The following FRMD4B variants were observed in gnomAD, a reference collection of about 807,000 sequenced individuals.
The protein encoded by FRMD4B is FERM domain-containing protein 4B.
In FRMD4B, 74 loss-of-function variants were observed where a neutral mutation model predicts 141.5. That is an observed-to-expected ratio of 0.52 (90% CI 0.43 to 0.63). The LOEUF (loss-of-function observed/expected upper bound fraction) is 0.63. FRMD4B is among the 30% of genes least tolerant of loss of function. The probability of loss-of-function intolerance (pLI) is 0.00; values close to 1 mark genes in which losing one functional copy is unlikely to be tolerated. For synonymous variants in FRMD4B, 506 were observed against 467.9 expected (o/e 1.08, Z -1.05); for missense variants, 1,366 against 1,253.4 (o/e 1.09, Z -1.36).
chr3:69,484,395 G>A (rs78259949), intron 1 of FRMD4B, among the ~76,000 whole-genome samples: 17,150 of 152,144 alleles, frequency 0.11, 1,060 homozygotes, highest in South Asian at 0.19. Context: ...AGATCTTTGG[G>A]GTGTTGATTT....
At chr3:69,242,475 TGC>T (rs2093391661) in intron 7 of FRMD4B, among the ~76,000 whole-genome samples, 1 of 125,174 alleles carries the variant, frequency 8.0e-6, no homozygotes, top group African/African-American at 2.9e-5. Context: ...GGGAAATAGC[TGC>T]ATTTTTTTTT....
chr3:69,497,883 GCT>G (rs763878770), intron 1 of FRMD4B, among the ~76,000 whole-genome samples: 5 of 152,284 alleles, frequency 3.3e-5, no homozygotes, highest in Middle Eastern at 3.4e-3. Flanking sequence ...ACCATGTCTG[GCT>G]GAACTCTTTT....
Position 69,507,485 on chromosome 3 carries a change from A to T in FRMD4B, c.-129+34721T>A, listed in dbSNP as rs1331798962. Among the ~76,000 whole-genome samples the T allele has an allele frequency of 2.0e-5, 3 of 152,162 alleles. No homozygotes were observed. In the East Asian group the frequency reaches 5.8e-4, roughly 29 times the overall value. The stretch of plus-strand genomic sequence containing the variant: ...AGATGTTAGAAATCAGTCCATATCC[A>T]TATATATAAGGCTGTGTCACTTTTT... On this transcript the variant is annotated intron_variant, in intron 1 of 5. Transcript: ENST00000459638.
chr3:69,253,918 C>T (rs961306323), intron 5 of FRMD4B, among the ~76,000 whole-genome samples: 4 of 151,814 alleles, frequency 2.6e-5, no homozygotes, highest in African/African-American at 9.7e-5. Context: ...CCCTGCTCTA[C>T]AAAATATCAA....
chr3:69,408,477 A>G (rs940877668), intron 2 of FRMD4B, among the ~76,000 whole-genome samples: 1 of 152,244 alleles, frequency 6.6e-6, no homozygotes, highest in Non-Finnish European at 1.5e-5. Context: ...CCGTCTCCAC[A>G]GAACACTTAA....
Position 69,187,546 on chromosome 3 carries a change from A to T in FRMD4B, c.1919+224T>A, listed in dbSNP as rs879875605. ...CAAGAGTGAAACTCCACCTCAAAAA[A>T]AAAAAAATATATATATATATACATA... On this transcript the variant is annotated intron_variant, in intron 19 of 22. Coordinates refer to ENST00000398540, the MANE Select transcript of FRMD4B (RefSeq NM_015123.3). Among the ~76,000 whole-genome samples the T allele has an allele frequency of 4.3e-3, 599 of 138,430 alleles. 3 individuals carry two copies. Among genetic ancestry groups the T allele is most frequent in the Non-Finnish European group, 6.8e-3 (428 of 62,556 alleles). 90.8% of individuals were successfully genotyped at this position (138,430 alleles called of 152,430 possible).
rs542078664 is a variant in FRMD4B at position 69,480,771 on chromosome 3, G to A, written c.-128-48010C>T. Among the ~76,000 whole-genome samples, 101 of 152,350 alleles carry A rather than the reference G, an allele frequency of 6.6e-4. 1 individual carries two copies. The highest frequency in any genetic ancestry group is 2.1e-3 in the African/African-American group (89 of 41,584). On this transcript the variant is annotated intron_variant, in intron 1 of 5. Coordinates refer to the FRMD4B transcript ENST00000459638. ...GACAGGGACATTTAAGTCTGCAGAG[G>A]TTACTGCTGTCTTTTTGTTTGTCTC...
intron 1 of FRMD4B, among the ~76,000 whole-genome samples, chr3:69,321,603 C>G (rs779039102): frequency 6.6e-6 from 1 of 152,212 alleles, no homozygotes; most frequent in Non-Finnish European, 1.5e-5. Context: ...TCCGCAGGGC[C>G]TAGAACAGTG....
chr3:69,177,824 A>G (rs146050276), intron 21 of FRMD4B, among the ~76,000 whole-genome samples: 97 of 152,220 alleles, frequency 6.4e-4, no homozygotes, highest in Admixed American at 3.1e-3. Context: ...CCATAAGTTG[A>G]CTTATTGAGA....
intron 1 of FRMD4B, among the ~76,000 whole-genome samples, chr3:69,342,560 T>C (rs186770795): frequency 6.6e-6 from 1 of 152,318 alleles, no homozygotes; most frequent in African/African-American, 2.4e-5. Flanking sequence ...GGGATAGTTG[T>C]ATAATAATAT....
chr3:69,208,422 A>G (rs1285560365), intron 11 of FRMD4B, among the ~76,000 whole-genome samples: 1 of 152,058 alleles, frequency 6.6e-6, no homozygotes, highest in Non-Finnish European at 1.5e-5. Flanking sequence ...CTGGTCTGGT[A>G]CTCCAGACCT....
intron 1 of FRMD4B, among the ~76,000 whole-genome samples, chr3:69,357,213 C>T (rs992166346): frequency 6.6e-6 from 1 of 152,162 alleles, no homozygotes; most frequent in South Asian, 2.1e-4. Context: ...ATCAGTAAAT[C>T]AGAAGGGGTC....
At chr3:69,288,352 C>T (rs1021713250) in intron 4 of FRMD4B, among the ~76,000 whole-genome samples, 47 of 152,276 alleles carry the variant, frequency 3.1e-4, no homozygotes, top group Admixed American at 3.1e-3. Flanking sequence ...TTTTCAATCA[C>T]TCCTTTCTTC....
At chr3:69,437,358 C>G (rs1211694751) in intron 1 of FRMD4B, among the ~76,000 whole-genome samples, 1 of 151,574 alleles carries the variant, frequency 6.6e-6, no homozygotes, top group Non-Finnish European at 1.5e-5. Flanking sequence ...AGGCATGAGC[C>G]ACTGTGCCTG....
chr3:69,296,607 G>A (rs570205713), intron 4 of FRMD4B, among the ~76,000 whole-genome samples: 1 of 152,220 alleles, frequency 6.6e-6, no homozygotes, highest in Non-Finnish European at 1.5e-5. Flanking sequence ...AAAGACCTCT[G>A]GCTAACTTGC....
At chr3:69,283,201 T>A (rs953291764) in intron 5 of FRMD4B, among the ~76,000 whole-genome samples, 1 of 151,582 alleles carries the variant, frequency 6.6e-6, no homozygotes, top group Admixed American at 6.6e-5. Context: ...CTGGCCAACA[T>A]GGTGAAACCC....
rs1246090830 is a variant in FRMD4B, at chr3:69,216,289, T to C, written c.850A>G (p.Ile284Val). ...TTCCGAGGCTTCACCTTGTCTTGTA[T>C]ATCATATTGGCCAATTCCCTTATAG... is the stretch of plus-strand genomic sequence containing the variant. Reference protein sequence around the residue: ...ISYKGIGQYDIQDKVKPRKLF... With the variant: ...ISYKGIGQYDVQDKVKPRKLF... Residue 284 changes from isoleucine to valine, a missense_variant, in exon 11 of 23, where the codon ATA becomes GTA. Ile to Val is a conservative substitution (Grantham distance 29). Transcript: ENST00000398540. The C allele has an allele frequency of 7.0e-6, 11 of 1,569,974 alleles. No individual in the cohort carries two copies. Among genetic ancestry groups the C allele is most frequent in the Middle Eastern group, 1.7e-4 (1 of 6,006 alleles).
At chr3:69,299,052 T>C (rs1701125497) in intron 4 of FRMD4B, among the ~76,000 whole-genome samples, 1 of 152,140 alleles carries the variant, frequency 6.6e-6, no homozygotes, top group African/African-American at 2.4e-5. Context: ...AATGCATTTG[T>C]TTATGTGTAT....
chr3:69,232,551 C>G (rs1319817609), intron 7 of FRMD4B, among the ~76,000 whole-genome samples: 1 of 152,262 alleles, frequency 6.6e-6, no homozygotes, highest in Non-Finnish European at 1.5e-5. Flanking sequence ...TTTACTGACC[C>G]CAAGTACCCT....
Sources: allele counts gnomAD v4.1 joint callset (sites outside exome capture counted in the v4.1 genomes callset), GRCh38; gene constraint gnomAD v4.1.1; transcripts MANE v1.5; gene names NCBI Gene and HGNC (gene_info 2026-07-23, HGNC 2026-07-21).